The following CFAP77 variants were observed in gnomAD, a reference collection of about 807,000 sequenced individuals.
The protein encoded by CFAP77 is cilia and flagella associated protein 77, also known as cilia- and flagella-associated protein 77.
Under a neutral mutation model 31.1 loss-of-function variants are expected in CFAP77, and 25 were observed. The ratio of observed to expected loss-of-function variants is 0.80; its 90% CI spans 0.59 to 1.12. The LOEUF (loss-of-function observed/expected upper bound fraction) is 1.12, where lower values mean the gene tolerates loss of function less well. CFAP77 is among the 50% of genes most tolerant of loss of function. CFAP77 has a pLI of 0.00. For missense variants in CFAP77, 377 were observed against 397.3 expected (o/e 0.95, Z 0.44); for synonymous variants, 151 against 159.9 (o/e 0.94, Z 0.42).
At chr9:132,443,235 GT>G (rs928260876) in intron 1 of CFAP77, among the ~76,000 whole-genome samples, 250 of 144,520 alleles carry the variant, frequency 1.7e-3, no homozygotes, top group African/African-American at 5.6e-3. Context: ...AAATAAAAAA[GT>G]TTTTTTTTTG....
chr9:132,553,400 A>C (rs893725691), intron 5 of CFAP77, among the ~76,000 whole-genome samples: 3 of 152,134 alleles, frequency 2.0e-5, no homozygotes, highest in African/African-American at 7.2e-5. Context: ...CCAGGAGTTC[A>C]AGACCAGCCT....
At chr9:132,441,874 C>A (rs945332142) in intron 1 of CFAP77, among the ~76,000 whole-genome samples, 1 of 152,226 alleles carries the variant, frequency 6.6e-6, no homozygotes, top group Admixed American at 6.5e-5. Context: ...GACGCAGAGT[C>A]TCAGCCCCCA....
At chr9:132,487,515 A>G (rs1229501557) in intron 1 of CFAP77, among the ~76,000 whole-genome samples, 3 of 152,142 alleles carry the variant, frequency 2.0e-5, no homozygotes, top group Non-Finnish European at 4.4e-5. Context: ...AAGGGCCCCC[A>G]TCTATAACCA....
intron 5 of CFAP77, among the ~76,000 whole-genome samples, chr9:132,550,224 T>C (rs944814): frequency 0.99 from 150,774 of 152,362 alleles, 74,614 homozygotes; most frequent in Middle Eastern, 1. Context: ...CTGTCTAATC[T>C]AGAAGGTTCT....
At chr9:132,553,695 T>C (rs1235555771) in intron 5 of CFAP77, among the ~76,000 whole-genome samples, 1 of 152,166 alleles carries the variant, frequency 6.6e-6, no homozygotes, top group African/African-American at 2.4e-5. Flanking sequence ...GTTCTGAATG[T>C]TGGAAGGGGG....
intron 5 of CFAP77, among the ~76,000 whole-genome samples, chr9:132,570,924 G>A (rs1829950228): frequency 6.6e-6 from 1 of 152,142 alleles, no homozygotes. Flanking sequence ...CTAGGCCTCT[G>A]TTCCCTCGTC....
At chr9:132,531,543 C>G (rs528585433) in intron 3 of CFAP77, among the ~76,000 whole-genome samples, 94 of 146,366 alleles carry the variant, frequency 6.4e-4, no homozygotes, top group African/African-American at 2.4e-3. Flanking sequence ...GCATGAATGT[C>G]AGGAAGGAGC....
rs1312542633 is a variant in CFAP77, at chr9:132,545,068, C to CA, written c.732+2022dup. Among the ~76,000 whole-genome samples, 2 of 152,240 alleles carry CA rather than the reference C, an allele frequency of 1.3e-5. No homozygotes were observed. Among genetic ancestry groups the CA allele is most frequent in the African/African-American group, 4.8e-5 (2 of 41,462 alleles). ...GCTGGGAGCTCCGGTCTGTCTCACT[C>CA]ACCTGTGTCCCACGGCGCCTGGCCC... is the stretch of plus-strand genomic sequence containing the variant. On this transcript the variant is annotated intron_variant, in intron 5 of 5. Transcript: ENST00000393216. This position sits in a 1 kb window ranked among gnomAD's most constrained non-coding sequence, Gnocchi z 4.6.
In CFAP77 at chr9:132,511,611, T is replaced by A. The variant is rs994636620; in HGVS notation, c.524+12011T>A. Among the ~76,000 whole-genome samples, 1 of 152,178 alleles carries A rather than the reference T, an allele frequency of 6.6e-6. No individual in the cohort carries two copies. The highest frequency in any genetic ancestry group is 1.5e-5 in the Non-Finnish European group (1 of 68,026). ...TGGATTTTGGGAACAGGCACTATTC[T>A]AGTGCCAAGAGCACATGAGACGGCC... is the stretch of plus-strand genomic sequence containing the variant. On this transcript the variant is annotated intron_variant, in intron 3 of 5. Transcript: ENST00000393216. This position sits in a 1 kb window ranked among gnomAD's most constrained non-coding sequence, Gnocchi z 5.8.
intron 3 of CFAP77, among the ~76,000 whole-genome samples, chr9:132,510,494 C>T (rs1344736694): frequency 1.3e-5 from 2 of 152,208 alleles, no homozygotes; most frequent in African/African-American, 4.8e-5. Context: ...TGTGAGCCAG[C>T]CGGCACCTCC....
In CFAP77 at chr9:132,467,294, A is replaced by C. The variant is rs140019385; in HGVS notation, c.196-31401A>C. Among the ~76,000 whole-genome samples the C allele has an allele frequency of 6.5e-4, 99 of 151,980 alleles. 1 individual carries two copies. The East Asian group carries it at 0.018, about 28-fold the overall frequency. On this transcript the variant is annotated intron_variant, in intron 1 of 5. Transcript: ENST00000393216. ...ATCGTTTGTGTAATGGATCTCTAAA[A>C]CTCTTTTCATCTTGGAAAACTGAAA...
chr9:132,558,014 G>A (rs930535527), intron 5 of CFAP77, among the ~76,000 whole-genome samples: 7 of 152,128 alleles, frequency 4.6e-5, no homozygotes, highest in African/African-American at 1.7e-4. Context: ...CTAATCAATC[G>A]TTGTGTACTT....
intron 1 of CFAP77, among the ~76,000 whole-genome samples, chr9:132,444,142 G>A (rs1437929418): frequency 1.3e-5 from 2 of 152,192 alleles, no homozygotes. Flanking sequence ...TCCACTTCCC[G>A]TTTCCTACAG....
At position 132,539,301 on chromosome 9, in the gene CFAP77, C is replaced by T. The variant is rs1182368205; in HGVS notation, c.630+1595C>T. Among the ~76,000 whole-genome samples the T allele has an allele frequency of 6.6e-6, 1 of 152,050 alleles. No homozygotes were observed. Among genetic ancestry groups the T allele is most frequent in the Non-Finnish European group, 1.5e-5 (1 of 68,008 alleles). On this transcript the variant is annotated intron_variant, in intron 4 of 5. Transcript: ENST00000393216. This position sits in a 1 kb window ranked among gnomAD's most constrained non-coding sequence, Gnocchi z 4.3. ...GGCTAGTTGTCATGACAATCACAAC[C>T]AGCACCCTCCCCAAGCCTCTGAGCT...
intron 1 of CFAP77, among the ~76,000 whole-genome samples, chr9:132,444,559 A>G (rs1850673613): frequency 6.6e-6 from 1 of 152,190 alleles, no homozygotes; most frequent in South Asian, 2.1e-4. Context: ...AGAGATGGCC[A>G]TGGCAAGGCA....
chr9:132,463,586 C>T (rs189815032), intron 1 of CFAP77, among the ~76,000 whole-genome samples: 4 of 152,122 alleles, frequency 2.6e-5, no homozygotes, highest in South Asian at 2.1e-4. Context: ...AGCCTGGCCC[C>T]GGTGGAAGAC....
intron 1 of CFAP77, among the ~76,000 whole-genome samples, chr9:132,470,913 G>A (rs1212614400): frequency 1.3e-5 from 2 of 152,204 alleles, no homozygotes; most frequent in Admixed American, 6.5e-5. Flanking sequence ...AGGAGGTGGA[G>A]GTTGCAGTGA....
chr9:132,507,629 T>G (rs952160943), intron 3 of CFAP77, among the ~76,000 whole-genome samples: 2 of 152,186 alleles, frequency 1.3e-5, no homozygotes, highest in Admixed American at 1.3e-4. Flanking sequence ...AAATTTACAG[T>G]GGGCCCATCA....
At position 132,478,426 on chromosome 9, in the gene CFAP77, C is replaced by T. The variant is rs1230781541; in HGVS notation, c.196-20269C>T. 4.6e-5 allele frequency among the ~76,000 whole-genome samples: 7 copies of T among 152,154 alleles called. No homozygotes were observed. The East Asian group carries it at 1.3e-3, about 29-fold the overall frequency. ...GTGCCAGTGGCTCCGGGTGTGCATT[C>T]AACCCTCCAGACTTCAGAGGCTGTA... is the stretch of plus-strand genomic sequence containing the variant. On this transcript the variant is annotated intron_variant, in intron 1 of 5. Coordinates refer to ENST00000393216, the MANE Select transcript of CFAP77 (RefSeq NM_001282957.2).
Sources: gnomAD v4.1 joint callset for allele counts (sites outside exome capture counted in the v4.1 genomes callset) on GRCh38, gnomAD v4.1.1 for gene constraint, Gnocchi (gnomAD v3.1) non-coding constraint, MANE v1.5 for transcripts, NCBI Gene and HGNC (gene_info 2026-07-23, HGNC 2026-07-21) for gene names.